Variants in SUMF1 observed in about 807,000 individuals in gnomAD.
The protein encoded by SUMF1 is formylglycine-generating enzyme.
A neutral mutation model predicts 47.6 loss-of-function variants in SUMF1; 48 were observed. The ratio of observed to expected loss-of-function variants is 1.01; its 90% CI spans 0.80 to 1.28. SUMF1 has a LOEUF of 1.28. SUMF1 is among the 50% of genes most tolerant of loss of function. The probability of loss-of-function intolerance (pLI) is 0.00; values close to 1 mark genes in which losing one functional copy is unlikely to be tolerated. For synonymous variants in SUMF1, 230 were observed against 192.1 expected, an observed-to-expected ratio of 1.20 and a Z score of -1.63; for missense variants, 571 against 485.4, an observed-to-expected ratio of 1.18 and a Z score of -1.66.
At chr3:4,234,931 G>GTA (rs1431836433) in intron 8 of SUMF1, among the ~76,000 whole-genome samples, 7 of 152,166 alleles carry the variant, frequency 4.6e-5, no homozygotes, top group African/African-American at 1.7e-4. Context: ...ATGTGTGTGT[G>GTA]TATCCACATA....
chr3:4,263,484 A>T (rs561655177), intron 8 of SUMF1, among the ~76,000 whole-genome samples: 3 of 152,294 alleles, frequency 2.0e-5, no homozygotes, highest in South Asian at 4.1e-4. Context: ...ACCCTCCTTG[A>T]TCCAGCCCCA....
intron 8 of SUMF1, among the ~76,000 whole-genome samples, chr3:4,171,661 C>G (rs952299437): frequency 2.0e-5 from 3 of 152,084 alleles, no homozygotes; most frequent in African/African-American, 7.2e-5. Context: ...ATTGCCCTGG[C>G]CCAAAAGGCT....
At chr3:4,162,207 C>T (rs984079589) in intron 8 of SUMF1, among the ~76,000 whole-genome samples, 2 of 152,120 alleles carry the variant, frequency 1.3e-5, no homozygotes, top group African/African-American at 4.8e-5. Context: ...CTCTTTACTC[C>T]TCCCTCTCCT....
chr3:4,357,727 G>A (rs1010887041), downstream of SUMF1, among the ~76,000 whole-genome samples: 1 of 151,924 alleles, frequency 6.6e-6, no homozygotes, highest in East Asian at 1.9e-4. Context: ...TCCTGCCTCA[G>A]CCTCCAAGTA....
intron 7 of SUMF1, among the ~76,000 whole-genome samples, chr3:4,401,274 T>C (rs548868296): frequency 1.1e-4 from 16 of 152,278 alleles, no homozygotes; most frequent in African/African-American, 2.9e-4. Context: ...ACAATAAACA[T>C]ACGTGTGCAT....
intron 8 of SUMF1, among the ~76,000 whole-genome samples, chr3:4,115,099 C>A (rs987982039): frequency 6.6e-6 from 1 of 151,982 alleles, no homozygotes; most frequent in Non-Finnish European, 1.5e-5. Context: ...AAGACCCTCG[C>A]GGGCACAAAT....
intron 8 of SUMF1, among the ~76,000 whole-genome samples, chr3:4,130,522 G>T (rs984684878): frequency 6.6e-6 from 1 of 152,160 alleles, no homozygotes; most frequent in Admixed American, 6.5e-5. Context: ...ATTGGATCCA[G>T]TAAGTAAGAA....
At chr3:4,125,954 G>A (rs943996533) in intron 8 of SUMF1, among the ~76,000 whole-genome samples, 3 of 152,022 alleles carry the variant, frequency 2.0e-5, no homozygotes, top group African/African-American at 7.2e-5. Context: ...TGGGATTATA[G>A]GCATGAGCCA....
At chr3:4,130,561 G>C (rs1303618549) in intron 8 of SUMF1, among the ~76,000 whole-genome samples, 1 of 152,158 alleles carries the variant, frequency 6.6e-6, no homozygotes, top group Non-Finnish European at 1.5e-5. Flanking sequence ...TTATTGGTGA[G>C]ACATTTGTGT....
intron 9 of SUMF1, among the ~76,000 whole-genome samples, chr3:4,047,731 G>C (rs1259188513): frequency 6.6e-6 from 1 of 152,092 alleles, no homozygotes; most frequent in Non-Finnish European, 1.5e-5. Flanking sequence ...TAAATCTCAT[G>C]CTGTACTCAA....
intron 8 of SUMF1, among the ~76,000 whole-genome samples, chr3:4,232,196 G>C (rs550161528): frequency 6.6e-6 from 1 of 152,082 alleles, no homozygotes; most frequent in Non-Finnish European, 1.5e-5. Flanking sequence ...GAGAGTGTCA[G>C]ACCCAATAGG....
intron 8 of SUMF1, among the ~76,000 whole-genome samples, chr3:4,195,072 G>A (rs1695399686): frequency 6.6e-6 from 1 of 152,096 alleles, no homozygotes; most frequent in Admixed American, 6.6e-5. Flanking sequence ...TGTATCATCA[G>A]CTTTTACTCA....
At chr3:4,346,842 A>G (rs1280191419) in intron 8 of SUMF1, among the ~76,000 whole-genome samples, 2 of 152,240 alleles carry the variant, frequency 1.3e-5, no homozygotes, top group Non-Finnish European at 2.9e-5. Context: ...AAAAAATGAT[A>G]AAGGGGATAT....
chr3:4,404,637 G>A (rs1048791454), intron 7 of SUMF1, among the ~76,000 whole-genome samples: 23 of 152,136 alleles, frequency 1.5e-4, no homozygotes, highest in Middle Eastern at 3.2e-3. Context: ...CATGGCACAT[G>A]CCCGTAATCC....
chr3:4,096,978 T>C (rs1692919740), intron 8 of SUMF1, among the ~76,000 whole-genome samples: 1 of 152,114 alleles, frequency 6.6e-6, no homozygotes, highest in Non-Finnish European at 1.5e-5. Flanking sequence ...TAACATAGCA[T>C]GGATCCAACT....
At chr3:4,071,814 C>A (rs905076985) in intron 8 of SUMF1, among the ~76,000 whole-genome samples, 2 of 152,198 alleles carry the variant, frequency 1.3e-5, no homozygotes, top group African/African-American at 4.8e-5. Context: ...TAGAGAAAAA[C>A]CCCTCATCTC....
intron 9 of SUMF1, among the ~76,000 whole-genome samples, chr3:4,066,263 C>G (rs541352848): frequency 1.3e-5 from 2 of 152,052 alleles, no homozygotes; most frequent in African/African-American, 4.8e-5. Flanking sequence ...AACTTCCCAA[C>G]AGAAACCCAA....
intron 8 of SUMF1, among the ~76,000 whole-genome samples, chr3:4,105,721 G>A (rs111376022): frequency 6.6e-6 from 1 of 152,004 alleles, no homozygotes; most frequent in East Asian, 1.9e-4. Flanking sequence ...AATAAGACAA[G>A]ACGATAAAAT....
At chr3:4,172,791 T>A (rs1395790990) in intron 8 of SUMF1, among the ~76,000 whole-genome samples, 1 of 152,176 alleles carries the variant, frequency 6.6e-6, no homozygotes, top group Non-Finnish European at 1.5e-5. Flanking sequence ...TTTCAAAAAT[T>A]TTCTCCCATT....
Sources: gnomAD v4.1 joint callset for allele counts (sites outside exome capture counted in the v4.1 genomes callset) on GRCh38, gnomAD v4.1.1 for gene constraint, MANE v1.5 for transcripts, NCBI Gene and HGNC (gene_info 2026-07-23, HGNC 2026-07-21) for gene names.